RAB36: variants seen among roughly 807,000 people sequenced by gnomAD.
RAB36 encodes the protein ras-related protein Rab-36.
Under a neutral mutation model 39.3 loss-of-function variants are expected in RAB36, and 33 were observed. The ratio of observed to expected loss-of-function variants is 0.84; its 90% CI spans 0.64 to 1.12. The LOEUF (loss-of-function observed/expected upper bound fraction) is 1.12, where lower values mean the gene tolerates loss of function less well. Ranked by LOEUF, RAB36 falls within the 50% of genes most tolerant of loss-of-function variation. The pLI is 0.00. For synonymous variants in RAB36, 133 were observed against 140.2 expected, an observed-to-expected ratio of 0.95 and a Z score of 0.36; for missense variants, 308 against 355.3, an observed-to-expected ratio of 0.87 and a Z score of 1.07.
chr22:23,156,297 T>C, intron 6 of RAB36: 1 of 382,196 alleles, frequency 2.6e-6, no homozygotes, highest in Non-Finnish European at 4.9e-6. Flanking sequence ...CTCATAAAGA[T>C]GCTCAGAGAT....
intron 6 of RAB36, 108 bp downstream of exon 6, chr22:23,156,140 T>TCAGAGAAAA: frequency 6.3e-6 from 6 of 955,892 alleles, no homozygotes; most frequent in Non-Finnish European, 9.3e-6. Context: ...TTTTTTGTCC[T>TCAGAGAAAA]CCAAGACCCA....
rs1385627052 is a variant in RAB36 at position 23,165,257 on chromosome 22, T to TTGCACTC, written c.*3696_*3702dup. Among the ~76,000 whole-genome samples the TTGCACTC allele has an allele frequency of 2.6e-5, 4 of 152,160 alleles. No homozygotes were observed. Among genetic ancestry groups the TTGCACTC allele is most frequent in the Non-Finnish European group, 5.9e-5 (4 of 68,040 alleles). ...CAAGACCATGTTCCCAGCAGACAGA[T>TTGCACTC]TGCACTCTGACCCAGATGCCACCAC... On this transcript the variant is annotated 3_prime_UTR_variant, in exon 11 of 11. Transcript: ENST00000263116.
At chr22:23,148,111 A>G (rs1199147384) in intron 2 of RAB36, among the ~76,000 whole-genome samples, 2 of 151,698 alleles carry the variant, frequency 1.3e-5, no homozygotes, top group Admixed American at 1.3e-4. Context: ...GGAGGAGGTG[A>G]CTCTAGACAG....
At chr22:23,168,214 G>A (rs1011256508), downstream of RAB36, among the ~76,000 whole-genome samples, 2 of 152,146 alleles carry the variant, frequency 1.3e-5, no homozygotes, top group Non-Finnish European at 2.9e-5. Flanking sequence ...GCTTGGCATG[G>A]GGCATAAGCC....
chr22:23,160,819 G>T, intron 9 of RAB36, 60 bp from the exon 10 acceptor site: 1 of 1,574,996 alleles, frequency 6.3e-7, no homozygotes, highest in South Asian at 1.2e-5. Flanking sequence ...TTCACACCCA[G>T]ATGCATTAAG....
In RAB36 at chr22:23,162,880, T is replaced by A. The variant is rs2071888455; in HGVS notation, c.*1316T>A. On this transcript the variant is annotated 3_prime_UTR_variant, in exon 11 of 11. Transcript: ENST00000263116. ...GCATCTTTTTCTATTCATTCCCCCT[T>A]CAACATATTTTTTGTAGTTTTTTAT... 1 of 375,008 alleles carries A rather than the reference T, an allele frequency of 2.7e-6. No homozygotes were observed. The highest frequency in any genetic ancestry group is 2.1e-5 in the African/African-American group (1 of 46,648). 23.2% of individuals were successfully genotyped at this position (375,008 alleles called of 1,614,324 possible).
At chr22:23,158,848 T>G in intron 7 of RAB36, 50 bp from the exon 8 acceptor site, 15 of 1,522,096 alleles carry the variant, frequency 9.9e-6, no homozygotes, top group Non-Finnish European at 1.4e-5. Flanking sequence ...TGCCCCCTGT[T>G]TGGGGTGGGA....
At chr22:23,161,133 G>T (rs2071763012) in intron 10 of RAB36, 135 bp downstream of exon 10, 1 of 1,084,874 alleles carries the variant, frequency 9.2e-7, no homozygotes, top group Admixed American at 2.8e-5. Context: ...CCTCCTCTCA[G>T]GGTGTCACTG....
chr22:23,146,036 C>G (rs1272015881), intron 1 of RAB36: 2 of 983,874 alleles, frequency 2.0e-6, no homozygotes, highest in Non-Finnish European at 2.4e-6. Flanking sequence ...GTAAGGTAAG[C>G]TCAGAGGGGA....
At chr22:23,146,535 G>A in intron 1 of RAB36, 70 bp from the exon 2 acceptor site, 1 of 1,567,032 alleles carries the variant, frequency 6.4e-7, no homozygotes, top group Non-Finnish European at 8.7e-7. Flanking sequence ...AAGTTAGGTG[G>A]AAACTCATGG....
At chr22:23,152,740 G>A (rs1203598846) in intron 4 of RAB36, among the ~76,000 whole-genome samples, 1 of 152,188 alleles carries the variant, frequency 6.6e-6, no homozygotes, top group Non-Finnish European at 1.5e-5. Flanking sequence ...GGAGCCTGGC[G>A]CTTGTCAGAC....
rs980915485 is a variant in RAB36 at position 23,162,857 on chromosome 22, A to G, written c.*1293A>G. On this transcript the variant is annotated 3_prime_UTR_variant, in exon 11 of 11. Coordinates refer to ENST00000263116, the MANE Select transcript of RAB36 (RefSeq NM_004914.5). ...ATACCAGTTAGGGAAGAACACTGGC[A>G]TCTTTTTCTATTCATTCCCCCTTCA... is the stretch of plus-strand genomic sequence containing the variant. 2.9e-5 allele frequency: 12 copies of G among 410,844 alleles called. No homozygotes were observed. The highest frequency in any genetic ancestry group is 5.0e-5 in the Non-Finnish European group (10 of 198,210). The allele number at this position is 410,844 out of a possible 1,614,324, so 25.4% of individuals were successfully genotyped here. A position where few individuals can be genotyped will look rare whatever the true frequency, so the allele number is the denominator to read the frequency against.
At chr22:23,146,860 T>G (rs1269334673) in intron 2 of RAB36, among the ~76,000 whole-genome samples, 175 bp downstream of exon 2, 3 of 152,112 alleles carry the variant, frequency 2.0e-5, no homozygotes, top group African/African-American at 7.2e-5. Context: ...GGACCGCAAG[T>G]TAATGGTGAC....
In RAB36 at chr22:23,145,509, C is replaced by A. The variant is rs761171420; in HGVS notation, c.-55C>A. On this transcript the variant is annotated 5_prime_UTR_variant, in exon 1 of 11. Transcript: ENST00000263116. ...TGGTGATCGCCGCCGCTGGCTCAGG[C>A]GGACCAGGCCGCGCGGAGCCCCAGC... The A allele has an allele frequency of 5.4e-5, 86 of 1,605,304 alleles. No homozygotes were observed. Among genetic ancestry groups the A allele is most frequent in the South Asian group, 9.9e-5 (9 of 90,960 alleles).
At position 23,150,791 on chromosome 22, in the gene RAB36, C is replaced by T. The variant is rs111417299; in HGVS notation, c.161+637C>T. Among the ~76,000 whole-genome samples the T allele has an allele frequency of 7.8e-3, 1,183 of 152,298 alleles. 18 individuals carry two copies. The highest frequency in any genetic ancestry group is 0.027 in the African/African-American group (1,107 of 41,558). ...CCCTTCAGGTCTCAGCGTGTCAAGT[C>T]CTCTGGGAGCCTTCTCTGACCCCCC... On this transcript the variant is annotated intron_variant, in intron 3 of 10. Coordinates refer to ENST00000263116, the MANE Select transcript of RAB36 (RefSeq NM_004914.5).
intron 5 of RAB36, among the ~76,000 whole-genome samples, chr22:23,153,890 T>C (rs1307831232): frequency 6.6e-6 from 1 of 152,030 alleles, no homozygotes; most frequent in African/African-American, 2.4e-5. Flanking sequence ...GGTTTTACTA[T>C]GTTGGCCATG....
chr22:23,156,119 A>C, intron 6 of RAB36, 87 bp downstream of exon 6: 1 of 984,086 alleles, frequency 1.0e-6, no homozygotes. Flanking sequence ...AGTTCTCTGC[A>C]CAGGCACCAG....
At chr22:23,159,667 C>G (rs965736064) in intron 9 of RAB36, among the ~76,000 whole-genome samples, 18 of 152,250 alleles carry the variant, frequency 1.2e-4, no homozygotes, top group Non-Finnish European at 2.6e-4. Context: ...TCACCTGTAA[C>G]CACTGCACTA....
upstream of RAB36, chr22:23,145,458 C>A: frequency 6.2e-7 from 1 of 1,610,326 alleles, no homozygotes; most frequent in Non-Finnish European, 8.5e-7. Context: ...GTGTAGCCCG[C>A]AGGTCCCGCG....
Sources: gnomAD v4.1 joint callset for allele counts (sites outside exome capture counted in the v4.1 genomes callset) on GRCh38, gnomAD v4.1.1 for gene constraint, MANE v1.5 for transcripts, NCBI Gene and HGNC (gene_info 2026-07-23, HGNC 2026-07-21) for gene names.